Variants in MID1 observed in about 807,000 individuals in gnomAD.
MID1 encodes the protein midline 1.
In MID1, 7 loss-of-function variants were observed where a neutral mutation model predicts 40.4. The ratio of observed to expected loss-of-function variants is 0.17; its 90% CI spans 0.10 to 0.33. The LOEUF (loss-of-function observed/expected upper bound fraction) is 0.33. MID1 is among the 10% of genes least tolerant of loss of function. MID1 has a pLI of 1.00. For synonymous variants in MID1, 229 were observed against 221.2 expected, an observed-to-expected ratio of 1.04 and a Z score of -0.31; for missense variants, 367 against 558.5, an observed-to-expected ratio of 0.66 and a Z score of 3.46.
At chrX:10,636,980 C>T (rs1936125765) in intron 1 of MID1, among the ~76,000 whole-genome samples, 1 of 105,731 alleles carries the variant, frequency 9.5e-6, no homozygotes, top group Non-Finnish European at 1.9e-5. Context: ...GCTTTCCCAG[C>T]TGTACAACAT....
At chrX:10,470,423 T>C (rs1034326411) in intron 6 of MID1, among the ~76,000 whole-genome samples, 1 of 112,302 alleles carries the variant, frequency 8.9e-6, no homozygotes, top group African/African-American at 3.2e-5. Context: ...TGGTGCCAGA[T>C]ACTTATATCT....
At chrX:10,565,649 T>C (rs1041560353) in intron 2 of MID1, among the ~76,000 whole-genome samples, 1 of 111,777 alleles carries the variant, frequency 8.9e-6, no homozygotes, top group Non-Finnish European at 1.9e-5. Flanking sequence ...AATTGGTGTC[T>C]TGTGATCTAA....
At chrX:10,541,712 T>C (rs1933475759) in intron 2 of MID1, among the ~76,000 whole-genome samples, 1 of 110,439 alleles carries the variant, frequency 9.1e-6, no homozygotes, top group Non-Finnish European at 1.9e-5. Context: ...CAAGCAGCTC[T>C]CTAGAAATGT....
intron 3 of MID1, among the ~76,000 whole-genome samples, chrX:10,504,516 G>A (rs1931727813): frequency 8.9e-6 from 1 of 111,893 alleles, no homozygotes; most frequent in Non-Finnish European, 1.9e-5. Flanking sequence ...AAAACTAGAG[G>A]TTCTAGGACC....
intron 1 of MID1, among the ~76,000 whole-genome samples, chrX:10,707,776 G>A (rs754926328): frequency 8.9e-6 from 1 of 112,223 alleles, no homozygotes; most frequent in Non-Finnish European, 1.9e-5. Flanking sequence ...TTGCGGCCCA[G>A]AGTTCATGTC....
chrX:10,495,608 A>G lies in MID1; in HGVS notation c.840T>C (p.Ile280=), dbSNP rs1350801449. The G allele has an allele frequency of 8.3e-7, 1 of 1,208,841 alleles. No individual in the cohort carries two copies. Among genetic ancestry groups the G allele is most frequent in the Non-Finnish European group, 1.1e-6 (1 of 893,009 alleles). Residue 280 remains isoleucine (I), a synonymous_variant, in exon 4 of 10, where the codon ATT becomes ATC. Coordinates refer to ENST00000317552, the MANE Select transcript of MID1 (RefSeq NM_000381.4). The stretch of plus-strand genomic sequence containing the variant: ...CCTTCCCTTCTTTGATCTTGGTTCC[A>G]ATAATCTGTCGTCTTTGCTGAATGA... The part of the protein sequence containing the change: ...IEIIQQRRQI[I]GTKIKEGKVM...
intron 1 of MID1, among the ~76,000 whole-genome samples, chrX:10,818,200 G>C (rs1166621642): frequency 8.9e-6 from 1 of 112,038 alleles, no homozygotes; most frequent in Non-Finnish European, 1.9e-5. Context: ...TGTTTAATTT[G>C]TTTAAGCATT....
chrX:10,552,317 C>A (rs973037801), intron 2 of MID1, among the ~76,000 whole-genome samples: 1 of 111,062 alleles, frequency 9.0e-6, no homozygotes, highest in Non-Finnish European at 1.9e-5. Flanking sequence ...GATTCACTTA[C>A]ATAAACTGTA....
At chrX:10,754,236 T>G (rs1282689209) in intron 1 of MID1, among the ~76,000 whole-genome samples, 1 of 112,036 alleles carries the variant, frequency 8.9e-6, no homozygotes, top group Non-Finnish European at 1.9e-5. Flanking sequence ...GAAGACATTT[T>G]TGGATCAGGT....
chrX:10,723,975 T>G (rs1463015358), intron 1 of MID1, among the ~76,000 whole-genome samples: 1 of 112,716 alleles, frequency 8.9e-6, no homozygotes, highest in Non-Finnish European at 1.9e-5. Context: ...GCATGCTAAT[T>G]GCACTTCTAG....
At chrX:10,651,320 G>A (rs1225312238) in intron 1 of MID1, among the ~76,000 whole-genome samples, 1 of 111,740 alleles carries the variant, frequency 8.9e-6, no homozygotes, top group Admixed American at 9.5e-5. Context: ...GATAGCAAGG[G>A]GTTAAAATAT....
At chrX:10,751,847 A>G (rs1445989228) in intron 1 of MID1, among the ~76,000 whole-genome samples, 2 of 112,000 alleles carry the variant, frequency 1.8e-5, no homozygotes, top group Non-Finnish European at 3.8e-5. Flanking sequence ...GGAACCCAGT[A>G]GGAGGTGGAT....
At chrX:10,449,831 A>C (rs1928217572) in intron 9 of MID1, 115 bp from the exon 10 acceptor site, 1 of 593,631 alleles carries the variant, frequency 1.7e-6, no homozygotes, top group African/African-American at 2.2e-5. Flanking sequence ...GTCCCTGTTC[A>C]TTTTCTTTAA....
intron 2 of MID1, among the ~76,000 whole-genome samples, chrX:10,562,371 TAA>T (rs760465620): frequency 0.016 from 712 of 44,813 alleles, 55 homozygotes; most frequent in African/African-American, 0.055. Flanking sequence ...GAACTTAAAG[TAA>T]AAAAAAAAAA....
intron 1 of MID1, among the ~76,000 whole-genome samples, chrX:10,572,461 GAATCAC>G: frequency 9.1e-6 from 1 of 110,101 alleles, no homozygotes; most frequent in East Asian, 2.9e-4. Context: ...TGAGGCAGGA[GAATCAC>G]TTGAACCCAG....
intron 1 of MID1, among the ~76,000 whole-genome samples, chrX:10,579,962 T>C (rs1284115644): frequency 9.1e-6 from 1 of 110,032 alleles, no homozygotes; most frequent in Non-Finnish European, 1.9e-5. Context: ...GGACTGTGTG[T>C]CTGTACAGAA....
At chrX:10,617,932 C>A (rs992378493) in intron 1 of MID1, among the ~76,000 whole-genome samples, 1 of 112,629 alleles carries the variant, frequency 8.9e-6, no homozygotes, top group African/African-American at 3.2e-5. Flanking sequence ...CAGCCGTGGC[C>A]TTAGGAACCC....
At chrX:10,711,487 A>G (rs1323897961) in intron 1 of MID1, among the ~76,000 whole-genome samples, 1 of 112,094 alleles carries the variant, frequency 8.9e-6, no homozygotes, top group Non-Finnish European at 1.9e-5. Flanking sequence ...CATGATTAAA[A>G]CACTCCCAGC....
At chrX:10,494,224 T>C (rs190674415) in intron 4 of MID1, among the ~76,000 whole-genome samples, 1 of 112,336 alleles carries the variant, frequency 8.9e-6, no homozygotes, top group East Asian at 2.8e-4. Flanking sequence ...TGTGTATAAA[T>C]ATTTTGTAAT....
Sources: gnomAD v4.1 joint callset for allele counts (sites outside exome capture counted in the v4.1 genomes callset) on GRCh38, gnomAD v4.1.1 for gene constraint, MANE v1.5 for transcripts, NCBI Gene and HGNC (gene_info 2026-07-23, HGNC 2026-07-21) for gene names.